The following SNX27 variants were observed in gnomAD, a reference collection of about 807,000 sequenced individuals.
The protein encoded by SNX27 is sorting nexin 27.
SNX27 carries 22 observed loss-of-function variants against 71.6 expected under a neutral mutation model. The observed-to-expected ratio is 0.31, with a 90% confidence interval of 0.22 to 0.44. The LOEUF (loss-of-function observed/expected upper bound fraction) is 0.44. Ranked by LOEUF, SNX27 falls within the 20% of genes least tolerant of loss-of-function variation. The pLI is 1.00. For synonymous variants in SNX27, 269 were observed against 277.2 expected, an observed-to-expected ratio of 0.97 and a Z score of 0.29; for missense variants, 531 against 698.6, an observed-to-expected ratio of 0.76 and a Z score of 2.70.
chr1:151,678,914 G>C (rs1038842332), intron 7 of SNX27: 1 of 151,968 alleles, frequency 6.6e-6, no homozygotes, highest in Non-Finnish European at 1.5e-5. Flanking sequence ...AGTAGAGATG[G>C]GGTTTTACCA....
chr1:151,651,983 T>C (rs374144879), intron 2 of SNX27, among the ~76,000 whole-genome samples: 2 of 152,128 alleles, frequency 1.3e-5, no homozygotes, highest in Non-Finnish European at 2.9e-5. Flanking sequence ...GCGGATCACT[T>C]GCGGTTAGGG....
intron 1 of SNX27, chr1:151,613,445 T>A (rs1027301032): frequency 3.3e-5 from 5 of 152,540 alleles, no homozygotes; most frequent in Non-Finnish European, 7.3e-5. Flanking sequence ...CCTTTTTGGG[T>A]CTTTGACCGC....
chr1:151,613,076 C>G (rs1667264897), intron 1 of SNX27: 1 of 152,728 alleles, frequency 6.5e-6, no homozygotes, highest in Non-Finnish European at 1.5e-5. Flanking sequence ...CCGCTCGTCT[C>G]CTTTTTCTTT....
rs1325963060 is a variant in SNX27 at position 151,694,984 on chromosome 1, A to G, written c.*567A>G. 1.3e-5 allele frequency: 2 copies of G among 152,636 alleles called. No homozygotes were observed. Among genetic ancestry groups the G allele is most frequent in the East Asian group, 3.8e-4 (2 of 5,204 alleles). 9.5% of individuals were successfully genotyped at this position (152,636 alleles called of 1,614,324 possible). On this transcript the variant is annotated 3_prime_UTR_variant, in exon 12 of 12. Coordinates refer to ENST00000458013, the MANE Select transcript of SNX27 (RefSeq NM_001330723.2). Reference sequence around the variant, plus strand: ...TAAAAAGGAAAAAAAAGCATTTTACAGGGAAAAATACCTCTCCTCATGAAG... The same window carrying G: ...TAAAAAGGAAAAAAAAGCATTTTACGGGGAAAAATACCTCTCCTCATGAAG...
At chr1:151,634,569 CCT>C (rs1469796112) in intron 1 of SNX27, among the ~76,000 whole-genome samples, 1 of 152,142 alleles carries the variant, frequency 6.6e-6, no homozygotes, top group Non-Finnish European at 1.5e-5. Context: ...TAGCTTAAGG[CCT>C]CTCTCTATTG....
intron 1 of SNX27, among the ~76,000 whole-genome samples, chr1:151,623,677 AG>A (rs1398062782): frequency 6.6e-6 from 1 of 151,892 alleles, no homozygotes; most frequent in African/African-American, 2.4e-5. Context: ...TGGGATTATA[AG>A]TATGAGCCAC....
chr1:151,664,103 T>C (rs768580968), intron 5 of SNX27, among the ~76,000 whole-genome samples: 1 of 147,580 alleles, frequency 6.8e-6, no homozygotes, highest in Non-Finnish European at 1.5e-5. Context: ...TATATAAATA[T>C]AATTATATAT....
chr1:151,645,538 C>G (rs1481794715), intron 2 of SNX27, among the ~76,000 whole-genome samples: 1 of 152,190 alleles, frequency 6.6e-6, no homozygotes, highest in African/African-American at 2.4e-5. Flanking sequence ...ATTCTTTCAG[C>G]CTTTGCTGTG....
At chr1:151,641,545 T>C (rs1668718250) in intron 2 of SNX27, among the ~76,000 whole-genome samples, 1 of 146,730 alleles carries the variant, frequency 6.8e-6, no homozygotes. Context: ...GGTTGTCTTA[T>C]TATTTTATTG....
intron 1 of SNX27, among the ~76,000 whole-genome samples, chr1:151,613,652 C>T (rs2102583304): frequency 6.6e-6 from 1 of 152,192 alleles, no homozygotes; most frequent in South Asian, 2.1e-4. Context: ...CCTCCCCCAC[C>T]ACATCCCTCC....
At position 151,693,567 on chromosome 1, in the gene SNX27, C is replaced by T. The variant is rs760372975; in HGVS notation, c.1578+84C>T. The T allele has an allele frequency of 1.9e-6, 3 of 1,612,338 alleles. No homozygotes were observed. The South Asian group carries it at 3.3e-5, about 18-fold the overall frequency. On this transcript the variant is annotated intron_variant, in intron 11 of 11. Transcript: ENST00000458013. ...AGGCCTGTGGCCAAATACCTGGGAC[C>T]CTCACCTCCATCTCTGTCTTTCTAG... is the stretch of plus-strand genomic sequence containing the variant.
intron 2 of SNX27, among the ~76,000 whole-genome samples, chr1:151,652,701 G>T (rs1308689687): frequency 6.6e-6 from 1 of 152,066 alleles, no homozygotes; most frequent in Non-Finnish European, 1.5e-5. Context: ...GTGAGCCACT[G>T]CGCCCAGCCC....
chr1:151,662,192 G>A lies in SNX27; in HGVS notation c.828G>A (p.Glu276=). 6.2e-7 allele frequency: 1 copy of A among 1,613,626 alleles called. No homozygotes were observed. Among genetic ancestry groups the A allele is most frequent in the East Asian group, 2.2e-5 (1 of 44,836 alleles). The change falls in exon 5 of 12, where the codon GAG becomes GAA. Residue 276 remains glutamate, a synonymous_variant. Transcript: ENST00000458013. ...ACTACAATGGTGTGTCCGACGTAGA[G>A]CTGAGAGTAGCATTACCAGATGGAA... ...DENYNGVSDV[E]LRVALPDGTT... is the part of the protein sequence containing the mutation.
Position 151,692,406 on chromosome 1 carries a change from C to CTTTTTTTTTT in SNX27, c.1240-12_1240-3dup, listed in dbSNP as rs61159507. ...TAACCCTGTTTCCTGTTTCTCCTTC[C>CTTTTTTTTTT]TTTTTTTTTTTTTTTTTTTTTTTTT... On this transcript the variant is annotated intron_variant, in intron 8 of 11. Coordinates refer to ENST00000458013, the MANE Select transcript of SNX27 (RefSeq NM_001330723.2). The CTTTTTTTTTT allele has an allele frequency of 8.2e-6, 7 of 854,608 alleles. 1 individual carries two copies. The highest frequency in any genetic ancestry group is 9.6e-5 in the Admixed American group (2 of 20,768). The allele number at this position is 854,608 out of a possible 1,614,324, so 52.9% of individuals were successfully genotyped here.
intron 1 of SNX27, chr1:151,614,534 C>G (rs1667344272): frequency 8.5e-5 from 13 of 152,116 alleles, no homozygotes; most frequent in Admixed American, 8.5e-4. Flanking sequence ...GTTGGCCAGG[C>G]TGGTCTGAAA....
chr1:151,658,229 C>A lies in SNX27; in HGVS notation c.544-6C>A, dbSNP rs1669787712. Reference sequence around the variant, plus strand: ...ATGCTTTTCTTTTGTTCTTCTCCTTCACCAGGTATATAATGTTTACATGGC... The same window carrying A: ...ATGCTTTTCTTTTGTTCTTCTCCTTAACCAGGTATATAATGTTTACATGGC... On this transcript the variant is annotated splice_polypyrimidine_tract_variant and splice_region_variant and intron_variant, in intron 2 of 11. Transcript: ENST00000458013. The A allele has an allele frequency of 6.3e-7, 1 of 1,588,454 alleles. No individual in the cohort carries two copies. Among genetic ancestry groups the A allele is most frequent in the Non-Finnish European group, 8.6e-7 (1 of 1,169,480 alleles).
rs1290048260 is a variant in SNX27 at position 151,639,018 on chromosome 1, G to A, written c.442G>A (p.Asp148Asn). 1.2e-5 allele frequency: 20 copies of A among 1,614,050 alleles called. No individual in the cohort carries two copies. The highest frequency in any genetic ancestry group is 1.7e-5 in the Non-Finnish European group (20 of 1,180,020). The change falls in exon 2 of 12, where the codon GAC (aspartate) becomes AAC (asparagine). Residue 148 changes from aspartate (D) to asparagine (N), a missense_variant. Coordinates refer to ENST00000458013, the MANE Select transcript of SNX27 (RefSeq NM_001330723.2). ...HEADNLDPSD[D>N]SLGQSFYDYT... The stretch of plus-strand genomic sequence containing the variant: ...GGCAGATAACCTAGATCCCAGTGAC[G>A]ACTCGTTGGGACAATCATTTTATGA...
At position 151,666,019 on chromosome 1, in the gene SNX27, C is replaced by G. The variant is rs1370392842; in HGVS notation, c.985+8C>G. The G allele has an allele frequency of 3.7e-6, 6 of 1,600,412 alleles. No individual in the cohort carries two copies. In the East Asian group the frequency reaches 1.3e-4, roughly 36 times the overall value. ...TGATCAGTCACTCCTTTGGTAAGTA[C>G]CAGTGGCTGATACTAAGTTTTGTTT... On this transcript the variant is annotated splice_region_variant and intron_variant, in intron 6 of 11. Transcript: ENST00000458013.
chr1:151,686,696 A>G (rs1263564365), intron 8 of SNX27, among the ~76,000 whole-genome samples: 3 of 152,248 alleles, frequency 2.0e-5, no homozygotes, highest in African/African-American at 7.2e-5. Flanking sequence ...AACTTCTCAC[A>G]TGGGCCTTCT....
Sources: allele counts gnomAD v4.1 joint callset (sites outside exome capture counted in the v4.1 genomes callset), GRCh38; gene constraint gnomAD v4.1.1; transcripts MANE v1.5; gene names NCBI Gene and HGNC (gene_info 2026-07-23, HGNC 2026-07-21).